SHROOM3: variants seen among roughly 807,000 people sequenced by gnomAD.
SHROOM3 encodes protein Shroom3.
A neutral mutation model predicts 138.6 loss-of-function variants in SHROOM3; 47 were observed. The observed-to-expected ratio is 0.34, with a 90% confidence interval of 0.27 to 0.43. The LOEUF is 0.43. Among genes scored for constraint, SHROOM3 ranks in the 20% least tolerant of loss-of-function variants. SHROOM3 has a pLI of 1.00. For synonymous variants in SHROOM3, 1,062 were observed against 1,063.3 expected (o/e 1.00, Z 0.02); for missense variants, 2,491 against 2,596.5 (o/e 0.96, Z 0.88).
intron 2 of SHROOM3, among the ~76,000 whole-genome samples, chr4:76,630,473 C>T (rs998000396): frequency 6.6e-6 from 1 of 151,988 alleles, no homozygotes; most frequent in Non-Finnish European, 1.5e-5. Flanking sequence ...GCATCCTGTA[C>T]AGTAAAAAGC....
chr4:76,442,636 C>T (rs188993408), intron 1 of SHROOM3, among the ~76,000 whole-genome samples: 9 of 152,132 alleles, frequency 5.9e-5, no homozygotes, highest in South Asian at 2.1e-4. Context: ...GTCTCGATCT[C>T]CTTACCTTAT....
Position 76,464,662 on chromosome 4 carries a change from G to T in SHROOM3, c.168+28442G>T, listed in dbSNP as rs552013033. On this transcript the variant is annotated intron_variant, in intron 1 of 10. Transcript: ENST00000296043. ...ATCCCCAATGTTGGGGGATGAACCT[G>T]ATGGGAGGTGATTGGATCATGGGGG... is the stretch of plus-strand genomic sequence containing the variant. 6.6e-5 allele frequency among the ~76,000 whole-genome samples: 10 copies of T among 152,296 alleles called. No individual in the cohort carries two copies. In the East Asian group the frequency reaches 1.9e-3, roughly 29 times the overall value.
chr4:76,670,807 G>T (rs1215097572), intron 2 of SHROOM3, among the ~76,000 whole-genome samples: 1 of 152,044 alleles, frequency 6.6e-6, no homozygotes, highest in Non-Finnish European at 1.5e-5. Context: ...ACAAAAATTA[G>T]CCGGGCATGG....
At chr4:76,778,391 T>C (rs1722642912) in intron 10 of SHROOM3, among the ~76,000 whole-genome samples, 1 of 152,086 alleles carries the variant, frequency 6.6e-6, no homozygotes, top group South Asian at 2.1e-4. Context: ...CTAGGTGATT[T>C]TTGTATTTTT....
At chr4:76,497,658 G>A (rs1241265439) in intron 1 of SHROOM3, among the ~76,000 whole-genome samples, 1 of 152,132 alleles carries the variant, frequency 6.6e-6, no homozygotes, top group Non-Finnish European at 1.5e-5. Context: ...AGGAATTCGA[G>A]ACCAGCCTGG....
chr4:76,687,986 C>G (rs1013244885), intron 2 of SHROOM3, among the ~76,000 whole-genome samples: 5 of 152,216 alleles, frequency 3.3e-5, no homozygotes, highest in East Asian at 1.9e-4. Context: ...TACTCCCCCC[C>G]ACGCGCAATG....
intron 1 of SHROOM3, among the ~76,000 whole-genome samples, chr4:76,507,531 G>C (rs1277093514): frequency 2.1e-5 from 3 of 146,024 alleles, no homozygotes. Flanking sequence ...TTGGTCATTT[G>C]TATCTCTCTT....
At chr4:76,611,106 G>T (rs890007409) in intron 2 of SHROOM3, among the ~76,000 whole-genome samples, 1 of 152,090 alleles carries the variant, frequency 6.6e-6, no homozygotes, top group African/African-American at 2.4e-5. Context: ...CATTTTAAGT[G>T]TATAATTTGG....
chr4:76,624,443 T>G (rs1432449141), intron 2 of SHROOM3, among the ~76,000 whole-genome samples: 1 of 152,068 alleles, frequency 6.6e-6, no homozygotes, highest in East Asian at 1.9e-4. Context: ...TCTTGGGAAG[T>G]TTTTAGGTTT....
intron 2 of SHROOM3, among the ~76,000 whole-genome samples, chr4:76,608,551 A>ATAGCATAGCATAGCG (rs1734673466): frequency 1.3e-5 from 1 of 75,874 alleles, no homozygotes; most frequent in Admixed American, 1.4e-4. Flanking sequence ...ATAGCATAGC[A>ATAGCATAGCATAGCG]TAGCATAGCA....
chr4:76,711,707 A>G (rs1720233885), intron 3 of SHROOM3, among the ~76,000 whole-genome samples: 3 of 152,190 alleles, frequency 2.0e-5, no homozygotes. Flanking sequence ...ATTTGGATTT[A>G]TGCAAATCCA....
At chr4:76,719,115 C>T (rs1267756886) in intron 3 of SHROOM3, among the ~76,000 whole-genome samples, 2 of 152,104 alleles carry the variant, frequency 1.3e-5, no homozygotes, top group Non-Finnish European at 2.9e-5. Context: ...GACATCTTCT[C>T]CCTAAAAAGC....
At chr4:76,616,421 G>T (rs888616999) in intron 2 of SHROOM3, among the ~76,000 whole-genome samples, 1 of 152,154 alleles carries the variant, frequency 6.6e-6, no homozygotes, top group African/African-American at 2.4e-5. Context: ...TTCATTGATA[G>T]ATGAATGGAT....
intron 9 of SHROOM3, among the ~76,000 whole-genome samples, chr4:76,764,968 C>G (rs926941513): frequency 7.9e-5 from 12 of 152,092 alleles, no homozygotes; most frequent in African/African-American, 2.9e-4. Flanking sequence ...ACTAGTGATA[C>G]AGTATTTCAA....
intron 4 of SHROOM3, among the ~76,000 whole-genome samples, chr4:76,733,659 A>G (rs344137): frequency 0.3 from 45,786 of 152,036 alleles, 8,031 homozygotes; most frequent in Middle Eastern, 0.49. Flanking sequence ...TGAGGAGCAC[A>G]GTGGCATCTA....
At chr4:76,677,330 C>T (rs1291342882) in intron 2 of SHROOM3, among the ~76,000 whole-genome samples, 3 of 152,252 alleles carry the variant, frequency 2.0e-5, no homozygotes, top group South Asian at 2.1e-4. Flanking sequence ...GAGAAAAGCA[C>T]GGGCTTTGGG....
At chr4:76,471,479 T>A (rs548919941) in intron 1 of SHROOM3, among the ~76,000 whole-genome samples, 7 of 152,162 alleles carry the variant, frequency 4.6e-5, no homozygotes, top group Non-Finnish European at 1.0e-4. Context: ...CCTGACCTTG[T>A]GATCCACCCA....
rs145775255 is a variant in SHROOM3 at position 76,642,057 on chromosome 4, T to C, written c.324-68099T>C. Among the ~76,000 whole-genome samples, 449 of 152,324 alleles carry C rather than the reference T, an allele frequency of 2.9e-3. 3 individuals carry two copies. The highest frequency in any genetic ancestry group is 0.01 in the African/African-American group (419 of 41,566). ...CAGGAAAGATGAGACACACACTTCA[T>C]GCCCTCAATGTTGGCTCATTCTTTC... On this transcript the variant is annotated intron_variant, in intron 2 of 10. Transcript: ENST00000296043.
intron 2 of SHROOM3, among the ~76,000 whole-genome samples, chr4:76,620,656 C>T (rs948987523): frequency 2.6e-5 from 4 of 151,944 alleles, no homozygotes; most frequent in Non-Finnish European, 5.9e-5. Context: ...CTTGAAAGCC[C>T]GACTACAGGG....
Sources: allele counts gnomAD v4.1 joint callset (sites outside exome capture counted in the v4.1 genomes callset), GRCh38; gene constraint gnomAD v4.1.1; transcripts MANE v1.5; gene names NCBI Gene and HGNC (gene_info 2026-07-23, HGNC 2026-07-21).